The following FGFRL1 variants were observed in gnomAD, a reference collection of about 807,000 sequenced individuals.
FGFRL1 encodes the protein fibroblast growth factor receptor like 1, also known as fibroblast growth factor receptor-like 1.
Under a neutral mutation model 36.8 loss-of-function variants are expected in FGFRL1, and 24 were observed. The observed-to-expected ratio is 0.65, with a 90% confidence interval of 0.47 to 0.92. FGFRL1 has a LOEUF of 0.92. Among genes scored for constraint, FGFRL1 ranks in the 40% least tolerant of loss-of-function variants. The pLI is 0.00. For synonymous variants in FGFRL1, 422 were observed against 344.1 expected, an observed-to-expected ratio of 1.23 and a Z score of -2.50; for missense variants, 785 against 753.4, an observed-to-expected ratio of 1.04 and a Z score of -0.49.
In FGFRL1 at chr4:1,023,331, G is replaced by A. The variant is rs973042863; in HGVS notation, c.353-310G>A. On this transcript the variant is annotated intron_variant, in intron 3 of 6. Coordinates refer to ENST00000510644, the MANE Select transcript of FGFRL1 (RefSeq NM_001004356.3). The surrounding 1 kb of genome is among the most constrained non-coding windows in gnomAD (Gnocchi z 6.0). ...CCTCGGCCCCTTGATGTAGGCTAGGGTTACTGCAGCTGCTGGCCGGGCCCG... is the reference window on the plus strand; with the variant it reads ...CCTCGGCCCCTTGATGTAGGCTAGGATTACTGCAGCTGCTGGCCGGGCCCG... Among the ~76,000 whole-genome samples the A allele has an allele frequency of 2.0e-5, 3 of 152,050 alleles. No individual in the cohort carries two copies. Among genetic ancestry groups the A allele is most frequent in the South Asian group, 2.1e-4 (1 of 4,830 alleles).
At chr4:1,014,424 C>T (rs77822621) in intron 2 of FGFRL1, among the ~76,000 whole-genome samples, 3,469 of 152,316 alleles carry the variant, frequency 0.023, 66 homozygotes, top group Non-Finnish European at 0.036. Flanking sequence ...GAAGTGCCAC[C>T]TTTGAACTTT....
intron 2 of FGFRL1, among the ~76,000 whole-genome samples, chr4:1,020,604 G>T (rs760308537): frequency 4.3e-4 from 62 of 145,762 alleles, no homozygotes; most frequent in Non-Finnish European, 7.7e-4. Flanking sequence ...AGGCACCCAG[G>T]CAGGGGATGG....
intron 2 of FGFRL1, among the ~76,000 whole-genome samples, chr4:1,016,419 C>G (rs1577559184): frequency 6.6e-6 from 1 of 152,110 alleles, no homozygotes; most frequent in South Asian, 2.1e-4. Flanking sequence ...ACGGAGGAAT[C>G]TTTGCCTGTT....
intron 5 of FGFRL1, 64 bp from the exon 6 acceptor site, chr4:1,024,246 AG>A: frequency 6.7e-7 from 1 of 1,501,572 alleles, no homozygotes; most frequent in Non-Finnish European, 8.9e-7. Context: ...TGGTGGGCCC[AG>A]GGTGCTGGCG....
At position 1,024,895 on chromosome 4, in the gene FGFRL1, G is replaced by T. The variant is rs769826783; in HGVS notation, c.1073-10G>T. The stretch of plus-strand genomic sequence containing the variant: ...TCCCCTCCCTACCTCCTTTCCTCTC[G>T]CTCTTGCAGACCCAAAACCGCCAGG... On this transcript the variant is annotated splice_polypyrimidine_tract_variant and intron_variant, in intron 6 of 6. Transcript: ENST00000510644. 228 of 1,579,156 alleles carry T rather than the reference G, an allele frequency of 1.4e-4. No individual in the cohort carries two copies. Among genetic ancestry groups the T allele is most frequent in the Non-Finnish European group, 1.8e-4 (212 of 1,166,784 alleles).
chr4:1,011,386 C>CAGG (rs1715570605), upstream of FGFRL1: 2 of 50,876 alleles, frequency 3.9e-5, no homozygotes, highest in African/African-American at 1.7e-4. Context: ...CGGCGAGGCT[C>CAGG]GGGTTGGGGC....
At chr4:1,013,969 C>T (rs752680249) in intron 2 of FGFRL1, among the ~76,000 whole-genome samples, 114 of 152,248 alleles carry the variant, frequency 7.5e-4, no homozygotes, top group Non-Finnish European at 1.4e-3. Flanking sequence ...AGCTGCTTTC[C>T]AAGGGCAGGG....
chr4:1,024,134 G>T lies in FGFRL1; in HGVS notation c.718+33G>T, dbSNP rs749425365. 41 of 1,408,830 alleles carry T rather than the reference G, an allele frequency of 2.9e-5. No homozygotes were observed. In the African/African-American group the frequency reaches 3.1e-4, roughly 11 times the overall value. The allele number at this position is 1,408,830 out of a possible 1,614,324, so 87.3% of individuals were successfully genotyped here. On this transcript the variant is annotated intron_variant, in intron 5 of 6. Transcript: ENST00000510644. ...TGGCCCCGGGCGCTGGCGGGCGGGG[G>T]GTGCTGGTGGGCGGGGGCGCTGGCG... is the stretch of plus-strand genomic sequence containing the variant.
At chr4:1,016,362 G>T (rs575307179) in intron 2 of FGFRL1, among the ~76,000 whole-genome samples, 5 of 152,250 alleles carry the variant, frequency 3.3e-5, no homozygotes, top group African/African-American at 1.2e-4. Context: ...GGGGGTGGGG[G>T]CCACGTGAAG....
chr4:1,023,054 T>C lies in FGFRL1; in HGVS notation c.352+579T>C, dbSNP rs1337825916. ...ATTCTACTTTAAGTTTTAGGGTACATGTGCCCGTTTTCTGAATACAGGAGC... is the reference window on the plus strand; with the variant it reads ...ATTCTACTTTAAGTTTTAGGGTACACGTGCCCGTTTTCTGAATACAGGAGC... On this transcript the variant is annotated intron_variant, in intron 3 of 6. Transcript: ENST00000510644. This position sits in a 1 kb window ranked among gnomAD's most constrained non-coding sequence, Gnocchi z 6.0. Among the ~76,000 whole-genome samples, 3 of 151,750 alleles carry C rather than the reference T, an allele frequency of 2.0e-5. No individual in the cohort carries two copies. Among genetic ancestry groups the C allele is most frequent in the Non-Finnish European group, 2.9e-5 (2 of 67,880 alleles).
At chr4:1,020,477 G>A (rs1488082198) in intron 2 of FGFRL1, among the ~76,000 whole-genome samples, 1 of 151,726 alleles carries the variant, frequency 6.6e-6, no homozygotes, top group Non-Finnish European at 1.5e-5. Context: ...GCGGTGCCCC[G>A]AGTTTCTGAG....
rs1173352284 is a variant in FGFRL1, at chr4:1,024,382, A to G, written c.790A>G (p.Thr264Ala). 2.5e-6 allele frequency: 4 copies of G among 1,612,532 alleles called. No homozygotes were observed. Among genetic ancestry groups the G allele is most frequent in the Non-Finnish European group, 3.4e-6 (4 of 1,179,802 alleles). ...VNTTVDFGGT[T>A]SFQCKVRSDV... ...CACGACGGTGGACTTCGGGGGGACCACGTCCTTCCAGTGCAAGGTGCGCAG... is the reference window on the plus strand; with the variant it reads ...CACGACGGTGGACTTCGGGGGGACCGCGTCCTTCCAGTGCAAGGTGCGCAG... The change falls in exon 6 of 7, where the codon ACG becomes GCG. Residue 264 changes from threonine (T) to alanine (A), a missense_variant. Physicochemically the swap from Thr to Ala is moderately conservative, Grantham distance 58. Transcript: ENST00000510644.
At position 1,025,160 on chromosome 4, in the gene FGFRL1, G is replaced by T. The variant is rs759581394; in HGVS notation, c.1328G>T (p.Gly443Val). 1 of 1,610,354 alleles carries T rather than the reference G, an allele frequency of 6.2e-7. No individual in the cohort carries two copies. Among genetic ancestry groups the T allele is most frequent in the Admixed American group, 1.7e-5 (1 of 59,714 alleles). The part of the protein sequence containing the change: ...PSLAALSAGP[G>V]VGLCEEHGSP... Reference sequence around the variant, plus strand: ...TTGGCCGCCCTCAGCGCTGGCCCTGGTGTGGGGCTGTGTGAGGAGCATGGG... The same window carrying T: ...TTGGCCGCCCTCAGCGCTGGCCCTGTTGTGGGGCTGTGTGAGGAGCATGGG... The change falls in exon 7 of 7, where the codon GGT becomes GTT. Residue 443 changes from glycine to valine, a missense_variant. Gly to Val is a moderately radical substitution (Grantham distance 109). Transcript: ENST00000510644.
rs1220252373 is a variant in FGFRL1, at chr4:1,011,902, C to G, written c.-69C>G. The stretch of plus-strand genomic sequence containing the variant: ...GGGGCGGCGATGACCGCGGAGCGCA[C>G]GCCGCGGGCCCGGCCCTGACCCCGC... On this transcript the variant is annotated 5_prime_UTR_variant, in exon 1 of 7. Coordinates refer to ENST00000510644, the MANE Select transcript of FGFRL1 (RefSeq NM_001004356.3). 3.4e-5 allele frequency: 5 copies of G among 145,296 alleles called. No individual in the cohort carries two copies. Among genetic ancestry groups the G allele is most frequent in the Non-Finnish European group, 1.5e-5 (1 of 65,490 alleles). The allele number at this position is 145,296 out of a possible 1,614,324, so 9.0% of individuals were successfully genotyped here. A position where few individuals can be genotyped will look rare whatever the true frequency, so the allele number is the denominator to read the frequency against.
At chr4:1,015,154 G>A (rs1433141074) in intron 2 of FGFRL1, among the ~76,000 whole-genome samples, 1 of 152,220 alleles carries the variant, frequency 6.6e-6, no homozygotes, top group Non-Finnish European at 1.5e-5. Context: ...GCTGCATGCT[G>A]GCCCTCTGTG....
chr4:1,014,522 A>G (rs1297791848), intron 2 of FGFRL1, among the ~76,000 whole-genome samples: 1 of 152,220 alleles, frequency 6.6e-6, no homozygotes, highest in African/African-American at 2.4e-5. Context: ...TGCGGTGGGC[A>G]AGCTGAGCCC....
intron 2 of FGFRL1, among the ~76,000 whole-genome samples, chr4:1,018,660 C>T (rs1278877786): frequency 6.6e-6 from 1 of 152,180 alleles, no homozygotes. Context: ...GTGTTTCTTC[C>T]TGGCTGCAGT....
At chr4:1,022,059 G>A (rs1001585276) in intron 2 of FGFRL1, 144 bp from the exon 3 acceptor site, 17 of 606,284 alleles carry the variant, frequency 2.8e-5, no homozygotes, top group Non-Finnish European at 4.1e-5. Flanking sequence ...ACTGCACCTC[G>A]GCCCCTCTGC....
In FGFRL1 at chr4:1,025,508, CACAG is replaced by C. The variant is rs973962706; in HGVS notation, c.*165_*168del. ...GAGGCATAGCCCCTGGACACACACA[CACAG>C]ACACACACACTGCCTGGATGCATGT... On this transcript the variant is annotated 3_prime_UTR_variant, in exon 7 of 7. Transcript: ENST00000510644. 12 of 802,666 alleles carry C rather than the reference CACAG, an allele frequency of 1.5e-5. No individual in the cohort carries two copies. The highest frequency in any genetic ancestry group is 5.5e-5 in the South Asian group (3 of 54,562). 49.7% of individuals were successfully genotyped at this position (802,666 alleles called of 1,614,324 possible). A position where few individuals can be genotyped will look rare whatever the true frequency, so the allele number is the denominator to read the frequency against.
Sources: gnomAD v4.1 joint callset for allele counts (sites outside exome capture counted in the v4.1 genomes callset) on GRCh38, gnomAD v4.1.1 for gene constraint, Gnocchi (gnomAD v3.1) non-coding constraint, MANE v1.5 for transcripts, NCBI Gene and HGNC (gene_info 2026-07-23, HGNC 2026-07-21) for gene names.